Variants in KIF16B observed in about 807,000 individuals in gnomAD.
KIF16B encodes the protein kinesin family member 16B.
A neutral mutation model predicts 156.3 loss-of-function variants in KIF16B; 98 were observed. The ratio of observed to expected loss-of-function variants is 0.63; its 90% confidence interval spans 0.53 to 0.74. KIF16B has a LOEUF of 0.74. Ranked by LOEUF, KIF16B falls within the 30% of genes least tolerant of loss-of-function variation. KIF16B has a pLI of 0.00. For missense variants in KIF16B, 1,421 were observed against 1,606.5 expected, an observed-to-expected ratio of 0.88 and a Z score of 1.97; for synonymous variants, 564 against 583.7, an observed-to-expected ratio of 0.97 and a Z score of 0.49.
chr20:16,487,639 A>G (rs2068159928), intron 12 of KIF16B, among the ~76,000 whole-genome samples: 1 of 152,240 alleles, frequency 6.6e-6, no homozygotes, highest in South Asian at 2.1e-4. Context: ...TTAAACTCAG[A>G]ACATCTTAAG....
At chr20:16,454,713 C>G (rs2067170455) in intron 12 of KIF16B, among the ~76,000 whole-genome samples, 1 of 152,082 alleles carries the variant, frequency 6.6e-6, no homozygotes, top group Non-Finnish European at 1.5e-5. Flanking sequence ...AGTAAGTAAA[C>G]AGAATAAACT....
At chr20:16,453,787 G>T (rs2067145852) in intron 12 of KIF16B, among the ~76,000 whole-genome samples, 1 of 152,160 alleles carries the variant, frequency 6.6e-6, no homozygotes, top group Admixed American at 6.6e-5. Flanking sequence ...TATCAGACCA[G>T]CAAAATTTTT....
At chr20:16,436,587 T>C (rs998616487) in intron 12 of KIF16B, among the ~76,000 whole-genome samples, 2 of 152,224 alleles carry the variant, frequency 1.3e-5, no homozygotes, top group Non-Finnish European at 2.9e-5. Context: ...GGGGGTATTC[T>C]GGAATCATCA....
rs2065887730 is a variant in KIF16B at position 16,409,982 on chromosome 20, T to TATATATATATATATGTAGGTAC, written c.1613-3527_1613-3526insGTACCTACATATATATATATAT. ...ATATATATATATACATATATATATA[T>TATATATATATATATGTAGGTAC]ATATATATATGTAGGTACATATATA... is the stretch of plus-strand genomic sequence containing the variant. On this transcript the variant is annotated intron_variant, in intron 15 of 25. Coordinates refer to ENST00000354981, the MANE Select transcript of KIF16B (RefSeq NM_024704.5). Among the ~76,000 whole-genome samples the TATATATATATATATGTAGGTAC allele has an allele frequency of 3.6e-5, 2 of 55,532 alleles. 1 individual carries two copies. The highest frequency in any genetic ancestry group is 1.5e-4 in the African/African-American group (2 of 13,550). 36.4% of individuals were successfully genotyped at this position (55,532 alleles called of 152,430 possible).
At chr20:16,430,310 A>G (rs2066464346) in intron 12 of KIF16B, among the ~76,000 whole-genome samples, 1 of 152,172 alleles carries the variant, frequency 6.6e-6, no homozygotes, top group South Asian at 2.1e-4. Context: ...GCCATTTAAT[A>G]TCAAGATGTT....
chr20:16,551,891 T>C lies in KIF16B; in HGVS notation c.47+21338A>G, dbSNP rs540751871. On this transcript the variant is annotated intron_variant, in intron 1 of 25. Transcript: ENST00000354981. Reference sequence around the variant, plus strand: ...AAAGGAAGGCTCAAGTTGCACCTGGTGGGACAGTTACACCTCTAATTTAGA... The same window carrying C: ...AAAGGAAGGCTCAAGTTGCACCTGGCGGGACAGTTACACCTCTAATTTAGA... Among the ~76,000 whole-genome samples the C allele has an allele frequency of 4.6e-5, 7 of 152,248 alleles. No homozygotes were observed. In the South Asian group the frequency reaches 1.4e-3, roughly 32 times the overall value.
At chr20:16,437,224 C>G (rs895963667) in intron 12 of KIF16B, among the ~76,000 whole-genome samples, 1 of 152,166 alleles carries the variant, frequency 6.6e-6, no homozygotes, top group Non-Finnish European at 1.5e-5. Context: ...ACAGCATTTT[C>G]TCAATTTTTT....
chr20:16,396,547 T>C (rs1468087418), intron 17 of KIF16B, among the ~76,000 whole-genome samples: 1 of 151,324 alleles, frequency 6.6e-6, no homozygotes, highest in African/African-American at 2.4e-5. Context: ...AATGTGTGTG[T>C]ACATCTACAC....
At chr20:16,388,880 G>C in intron 17 of KIF16B, among the ~76,000 whole-genome samples, 1 of 152,138 alleles carries the variant, frequency 6.6e-6, no homozygotes, top group East Asian at 1.9e-4. Context: ...ATGGTGATTC[G>C]TGTTGTACCT....
At chr20:16,313,345 C>T (rs904797590) in intron 24 of KIF16B, among the ~76,000 whole-genome samples, 1 of 152,116 alleles carries the variant, frequency 6.6e-6, no homozygotes, top group African/African-American at 2.4e-5. Context: ...ATGCAAATCA[C>T]TAAGTTGATT....
intron 21 of KIF16B, among the ~76,000 whole-genome samples, chr20:16,371,335 C>T (rs1367487980): frequency 6.6e-6 from 1 of 152,062 alleles, no homozygotes; most frequent in Non-Finnish European, 1.5e-5. Flanking sequence ...ACCTGTAATC[C>T]CAGCACTTTG....
intron 25 of KIF16B, among the ~76,000 whole-genome samples, chr20:16,293,116 C>A (rs561021589): frequency 6.6e-6 from 1 of 152,170 alleles, no homozygotes; most frequent in Admixed American, 6.5e-5. Flanking sequence ...ACAGGAAAAA[C>A]AACAACAACA....
At position 16,429,894 on chromosome 20, in the gene KIF16B, A is replaced by C. The variant is rs760636985; in HGVS notation, c.1391T>G (p.Leu464Trp). The C allele has an allele frequency of 6.2e-7, 1 of 1,612,634 alleles. No individual in the cohort carries two copies. The highest frequency in any genetic ancestry group is 8.5e-7 in the Non-Finnish European group (1 of 1,179,184). ...PHLIGIDDDLLSTGIILYHLK... is the reference protein window; with the variant it reads ...PHLIGIDDDLWSTGIILYHLK... The stretch of plus-strand genomic sequence containing the variant: ...ATGATATAAGATGATTCCAGTACTC[A>C]AAAGGTCATCATCGATGCCAATCAA... Residue 464 changes from leucine to tryptophan, a missense_variant, in exon 13 of 26, where the codon TTG becomes TGG. By Grantham distance (61) the Leu-to-Trp change is moderately conservative. Coordinates refer to ENST00000354981, the MANE Select transcript of KIF16B (RefSeq NM_024704.5).
chr20:16,468,921 C>T (rs529974042), intron 12 of KIF16B, among the ~76,000 whole-genome samples: 37 of 152,148 alleles, frequency 2.4e-4, no homozygotes, highest in South Asian at 4.2e-4. Flanking sequence ...GAACATTCAC[C>T]AAGACAGACC....
At chr20:16,396,846 C>T (rs2146208273) in intron 17 of KIF16B, among the ~76,000 whole-genome samples, 1 of 152,204 alleles carries the variant, frequency 6.6e-6, no homozygotes, top group South Asian at 2.1e-4. Context: ...CAGGCTGCTG[C>T]ACTCCTTGGG....
At chr20:16,367,474 T>TA (rs773991668) in intron 22 of KIF16B, 16 of 1,612,752 alleles carry the variant, frequency 9.9e-6, no homozygotes, top group Admixed American at 1.7e-5. Context: ...AATGCGTGGA[T>TA]AAAAAACACA....
intron 1 of KIF16B, among the ~76,000 whole-genome samples, chr20:16,531,368 C>T (rs2069740333): frequency 6.6e-6 from 1 of 152,048 alleles, no homozygotes; most frequent in Admixed American, 6.6e-5. Context: ...AGAGATATTC[C>T]AGCTAAAAAA....
intron 1 of KIF16B, among the ~76,000 whole-genome samples, chr20:16,538,707 T>C (rs113709224): frequency 0.034 from 5,250 of 152,284 alleles, 135 homozygotes; most frequent in Middle Eastern, 0.078. Context: ...TTTAAAAAAA[T>C]CCTATTGACA....
chr20:16,445,653 T>C (rs879593105), intron 12 of KIF16B, among the ~76,000 whole-genome samples: 2 of 152,140 alleles, frequency 1.3e-5, no homozygotes, highest in Non-Finnish European at 2.9e-5. Flanking sequence ...TCAGCACTTT[T>C]AGCAGGGAAA....
Sources: gnomAD v4.1 joint callset for allele counts (sites outside exome capture counted in the v4.1 genomes callset) on GRCh38, gnomAD v4.1.1 for gene constraint, MANE v1.5 for transcripts, NCBI Gene and HGNC (gene_info 2026-07-23, HGNC 2026-07-21) for gene names.